The following RBFOX1 variants were observed in gnomAD, a reference collection of about 807,000 sequenced individuals.
RBFOX1 encodes RNA binding protein fox-1 homolog 1.
A neutral mutation model predicts 57.7 loss-of-function variants in RBFOX1; 8 were observed. That is an observed-to-expected ratio of 0.14 (90% CI 0.08 to 0.25). The LOEUF (loss-of-function observed/expected upper bound fraction) is 0.25, where lower values mean the gene tolerates loss of function less well. Among genes scored for constraint, RBFOX1 ranks in the 10% least tolerant of loss-of-function variants. The pLI, the probability that RBFOX1 is intolerant of heterozygous loss-of-function variation, is 1.00. For missense variants in RBFOX1, 611 were observed against 548.5 expected, an observed-to-expected ratio of 1.11 and a Z score of -1.14; for synonymous variants, 326 against 222.4, an observed-to-expected ratio of 1.47 and a Z score of -4.15.
chr16:5,392,443 G>A (rs1567439478), intron 1 of RBFOX1, among the ~76,000 whole-genome samples: 1 of 151,926 alleles, frequency 6.6e-6, no homozygotes, highest in Non-Finnish European at 1.5e-5. Context: ...TTTAGGCAGT[G>A]TAAAATTCTA....
At chr16:6,524,320 G>A (rs1442041175) in intron 2 of RBFOX1, among the ~76,000 whole-genome samples, 1 of 152,152 alleles carries the variant, frequency 6.6e-6, no homozygotes, top group Non-Finnish European at 1.5e-5. Context: ...GCAAATGACT[G>A]TATCTCGTTC....
At chr16:5,524,746 G>T (rs1365202811) in intron 2 of RBFOX1, among the ~76,000 whole-genome samples, 1 of 151,848 alleles carries the variant, frequency 6.6e-6, no homozygotes, top group African/African-American at 2.4e-5. Flanking sequence ...TCACCGTGTT[G>T]GCCAGGCTGG....
chr16:7,214,298 G>T (rs1192607964), intron 4 of RBFOX1, among the ~76,000 whole-genome samples: 1 of 152,074 alleles, frequency 6.6e-6, no homozygotes, highest in African/African-American at 2.4e-5. Flanking sequence ...TGATCTTTAT[G>T]ATGACACGAT....
In RBFOX1 at chr16:6,004,517, C is replaced by G. The variant is rs114233193; in HGVS notation, c.351+137182C>G. Among the ~76,000 whole-genome samples the G allele has an allele frequency of 3.9e-3, 590 of 152,308 alleles. 6 individuals carry two copies. The highest frequency in any genetic ancestry group is 0.014 in the African/African-American group (573 of 41,576). ...ACTTGGCATATCAGAGACTTTTAGTCTATGGCCACTCAATGAATGTCCAGA... is the reference window on the plus strand; with the variant it reads ...ACTTGGCATATCAGAGACTTTTAGTGTATGGCCACTCAATGAATGTCCAGA... On this transcript the variant is annotated intron_variant, in intron 4 of 19. Coordinates refer to the RBFOX1 transcript ENST00000641259.
intron 4 of RBFOX1, among the ~76,000 whole-genome samples, chr16:7,237,730 G>A (rs564855879): frequency 1.3e-5 from 2 of 152,254 alleles, no homozygotes; most frequent in Non-Finnish European, 2.9e-5. Flanking sequence ...CTGGCCGACT[G>A]TGTGGTGGCT....
intron 4 of RBFOX1, among the ~76,000 whole-genome samples, chr16:7,065,146 C>G (rs771273261): frequency 2.0e-5 from 3 of 152,148 alleles, no homozygotes; most frequent in African/African-American, 7.2e-5. Flanking sequence ...GCATTTGTAA[C>G]CTTACCTAAA....
intron 4 of RBFOX1, among the ~76,000 whole-genome samples, chr16:7,436,954 G>T (rs991750197): frequency 3.3e-5 from 5 of 152,044 alleles, no homozygotes; most frequent in African/African-American, 1.2e-4. Context: ...GGTGATACGC[G>T]CCTGTAATCC....
chr16:6,976,347 C>G lies in RBFOX1; in HGVS notation c.-15-75710C>G, dbSNP rs1232331809. On this transcript the variant is annotated intron_variant, in intron 3 of 15. Transcript: ENST00000550418. Reference sequence around the variant, plus strand: ...TCTAAATTTCTCCTCTATCCTTGTTCTAGCATTCAGTCCTATCCATGAATA... The same window carrying G: ...TCTAAATTTCTCCTCTATCCTTGTTGTAGCATTCAGTCCTATCCATGAATA... 3.3e-5 allele frequency among the ~76,000 whole-genome samples: 5 copies of G among 152,246 alleles called. 1 individual carries two copies. Among genetic ancestry groups the G allele is most frequent in the South Asian group, 4.1e-4 (2 of 4,824 alleles).
chr16:6,927,854 C>T (rs1437521563), intron 3 of RBFOX1, among the ~76,000 whole-genome samples: 1 of 152,148 alleles, frequency 6.6e-6, no homozygotes, highest in African/African-American at 2.4e-5. Flanking sequence ...GATCTCACAA[C>T]ACATCATTTC....
At chr16:5,921,507 A>G (rs1385541295) in intron 4 of RBFOX1, among the ~76,000 whole-genome samples, 1 of 152,162 alleles carries the variant, frequency 6.6e-6, no homozygotes, top group Non-Finnish European at 1.5e-5. Flanking sequence ...GGGCATCAAG[A>G]TGAAATTGAT....
intron 4 of RBFOX1, among the ~76,000 whole-genome samples, chr16:7,141,277 T>A (rs137993791): frequency 6.6e-6 from 1 of 152,288 alleles, no homozygotes; most frequent in East Asian, 1.9e-4. Flanking sequence ...GGGCATCTAT[T>A]CACACCCAAT....
At chr16:7,161,649 G>C (rs1351100051) in intron 4 of RBFOX1, among the ~76,000 whole-genome samples, 1 of 152,164 alleles carries the variant, frequency 6.6e-6, no homozygotes, top group South Asian at 2.1e-4. Flanking sequence ...TGGAGGTAAG[G>C]AAGAGGATCA....
intron 4 of RBFOX1, among the ~76,000 whole-genome samples, chr16:7,139,256 A>G (rs1433621360): frequency 6.9e-6 from 1 of 145,958 alleles, no homozygotes; most frequent in East Asian, 2.0e-4. Flanking sequence ...TTCTTTTTCT[A>G]TTTTCATTAT....
chr16:5,459,470 C>G (rs983090413), intron 1 of RBFOX1, among the ~76,000 whole-genome samples: 6 of 151,966 alleles, frequency 3.9e-5, no homozygotes, highest in African/African-American at 1.4e-4. Flanking sequence ...CCGTTTAGAC[C>G]TCCTCTCTGA....
intron 3 of RBFOX1, among the ~76,000 whole-genome samples, chr16:6,922,352 C>T (rs924919209): frequency 6.6e-6 from 1 of 152,188 alleles, no homozygotes; most frequent in Non-Finnish European, 1.5e-5. Context: ...TCGCATGCTG[C>T]AGCCCCTTGC....
chr16:7,390,609 A>G (rs186737419), intron 4 of RBFOX1, among the ~76,000 whole-genome samples: 143 of 152,342 alleles, frequency 9.4e-4, no homozygotes, highest in South Asian at 4.8e-3. Context: ...TCGCATTAAC[A>G]CCTGAGCATA....
chr16:7,438,597 C>T (rs1008839581), intron 4 of RBFOX1, among the ~76,000 whole-genome samples: 7 of 152,144 alleles, frequency 4.6e-5, no homozygotes, highest in Admixed American at 1.3e-4. Context: ...AACTTGTGTG[C>T]GTGTCTGCAT....
chr16:6,100,219 G>T (rs187458039), intron 1 of RBFOX1, among the ~76,000 whole-genome samples: 63 of 152,162 alleles, frequency 4.1e-4, no homozygotes, highest in African/African-American at 1.5e-3. Context: ...CTGGAGTGCA[G>T]TGGCCCGATC....
intron 4 of RBFOX1, among the ~76,000 whole-genome samples, chr16:7,283,802 T>C (rs982249504): frequency 2.0e-5 from 3 of 152,206 alleles, no homozygotes; most frequent in Admixed American, 2.0e-4. Flanking sequence ...AGGCATAATT[T>C]ACACACGGTA....
Sources: allele counts gnomAD v4.1 joint callset (sites outside exome capture counted in the v4.1 genomes callset), GRCh38; gene constraint gnomAD v4.1.1; transcripts MANE v1.5; gene names NCBI Gene and HGNC (gene_info 2026-07-23, HGNC 2026-07-21).